The following CRYM variants were observed in gnomAD, a reference collection of about 807,000 sequenced individuals.
CRYM encodes ketimine reductase mu-crystallin.
CRYM carries 18 observed loss-of-function variants against 32.9 expected under a neutral mutation model. The ratio of observed to expected loss-of-function variants is 0.55; its 90% confidence interval spans 0.38 to 0.81. The LOEUF is 0.81. Ranked by LOEUF, CRYM falls within the 30% of genes least tolerant of loss-of-function variation. The pLI is 0.00. For synonymous variants in CRYM, 153 were observed against 152.4 expected, an observed-to-expected ratio of 1.00 and a Z score of -0.03; for missense variants, 337 against 393.5, an observed-to-expected ratio of 0.86 and a Z score of 1.21.
chr16:21,275,484 C>A, intron 3 of CRYM, 48 bp downstream of exon 3: 1 of 1,542,914 alleles, frequency 6.5e-7, no homozygotes. Flanking sequence ...AGACACCAGA[C>A]CCCACTTGAC....
Position 21,270,972 on chromosome 16 carries a change from T to C in CRYM, c.388-1081A>G, listed in dbSNP as rs1395332580. ...CCAGGCCATAGCACTTATTTGTTTG[T>C]AGATTTTCTTCTACAGGTCTTTAAG... On this transcript the variant is annotated intron_variant, in intron 3 of 7. Transcript: ENST00000572914. 3.9e-5 allele frequency among the ~76,000 whole-genome samples: 6 copies of C among 152,332 alleles called. No individual in the cohort carries two copies. In the East Asian group the frequency reaches 9.6e-4, roughly 24 times the overall value.
upstream of CRYM, among the ~76,000 whole-genome samples, chr16:21,281,865 A>C (rs1401402763): frequency 3.9e-5 from 6 of 152,350 alleles, no homozygotes; most frequent in East Asian, 1.9e-4. Context: ...ATGAATATTC[A>C]TAGCTTCTTC....
chr16:21,276,105 C>T (rs1400465622), intron 2 of CRYM, among the ~76,000 whole-genome samples: 1 of 152,172 alleles, frequency 6.6e-6, no homozygotes, highest in East Asian at 1.9e-4. Context: ...AGGAGTGAGA[C>T]CCAGACAGCC....
At chr16:21,261,206 T>G in intron 7 of CRYM, 48 bp downstream of exon 7, 1 of 1,442,198 alleles carries the variant, frequency 6.9e-7, no homozygotes, top group Non-Finnish European at 9.8e-7. Flanking sequence ...TGGGTGAACC[T>G]GCCTTGTGCG....
chr16:21,264,456 G>A (rs912514883), intron 5 of CRYM, among the ~76,000 whole-genome samples: 6 of 152,170 alleles, frequency 3.9e-5, no homozygotes, highest in Non-Finnish European at 8.8e-5. Context: ...GGTTGTGATG[G>A]GGCTAAATGA....
At chr16:21,293,011 G>C (rs1037941810) in intron 1 of CRYM, among the ~76,000 whole-genome samples, 3 of 147,132 alleles carry the variant, frequency 2.0e-5, no homozygotes, top group African/African-American at 7.7e-5. Context: ...TGAATAGATG[G>C]ATAGGTAAGT....
chr16:21,293,021 T>TATAGA (rs920761935), intron 1 of CRYM, among the ~76,000 whole-genome samples: 8 of 140,432 alleles, frequency 5.7e-5, no homozygotes, highest in Non-Finnish European at 9.3e-5. Flanking sequence ...GATAGGTAAG[T>TATAGA]AGATAGAAGA....
At chr16:21,289,410 C>T (rs572398492) in intron 1 of CRYM, among the ~76,000 whole-genome samples, 1 of 152,098 alleles carries the variant, frequency 6.6e-6, no homozygotes, top group African/African-American at 2.4e-5. Flanking sequence ...TTTTGGTTAC[C>T]GTTTGCATTG....
rs1446208721 is a variant in CRYM at position 21,285,283 on chromosome 16, G to A, written c.-192-6323C>T. ...ATGGCTTTTAAAAGTTGGCTTTGCTGGGACTTTTATACTAAATTTTGGATT... is the reference window on the plus strand; with the variant it reads ...ATGGCTTTTAAAAGTTGGCTTTGCTAGGACTTTTATACTAAATTTTGGATT... On this transcript the variant is annotated intron_variant, in intron 1 of 9. Transcript: ENST00000219599. 2.0e-5 allele frequency among the ~76,000 whole-genome samples: 3 copies of A among 152,276 alleles called. No individual in the cohort carries two copies. In the East Asian group the frequency reaches 5.8e-4, roughly 29 times the overall value.
chr16:21,300,256 C>T (rs1960878444), intron 1 of CRYM: 1 of 152,202 alleles, frequency 6.6e-6, no homozygotes, highest in African/African-American at 2.4e-5. Flanking sequence ...GCCTTTTGTC[C>T]TCCAACATAC....
chr16:21,277,785 C>T lies in CRYM; in HGVS notation c.171-201G>A, dbSNP rs949843520. Reference sequence around the variant, plus strand: ...GCTCTGGATCAGAAAACCTTTCCAGCTCTGCCACTTAGTAGCTGTGTAAGC... The same window carrying T: ...GCTCTGGATCAGAAAACCTTTCCAGTTCTGCCACTTAGTAGCTGTGTAAGC... On this transcript the variant is annotated intron_variant, in intron 1 of 7. Coordinates refer to ENST00000572914, the MANE Select transcript of CRYM (RefSeq NM_001376256.1). The surrounding 1 kb of genome is among the most constrained non-coding windows in gnomAD (Gnocchi z 4.2). 6.6e-6 allele frequency among the ~76,000 whole-genome samples: 1 copy of T among 152,164 alleles called. No homozygotes were observed. The highest frequency in any genetic ancestry group is 2.4e-5 in the African/African-American group (1 of 41,422).
upstream of CRYM, chr16:21,278,512 T>C (rs2093392361): frequency 7.0e-6 from 4 of 573,210 alleles, no homozygotes; most frequent in East Asian, 1.2e-4. Flanking sequence ...TGGGAGTCAA[T>C]ATTGTTTGGT....
At chr16:21,272,950 G>A (rs1291897500) in intron 3 of CRYM, among the ~76,000 whole-genome samples, 4 of 150,100 alleles carry the variant, frequency 2.7e-5, no homozygotes, top group African/African-American at 7.4e-5. Flanking sequence ...TTGCAGGCGT[G>A]AGCCACTGCG....
intron 1 of CRYM, among the ~76,000 whole-genome samples, chr16:21,285,815 A>C (rs537431343): frequency 5.4e-4 from 83 of 152,380 alleles, no homozygotes; most frequent in African/African-American, 2.0e-3. Flanking sequence ...TTTGTAAGCT[A>C]TGAATAGCTC....
intron 6 of CRYM, 36 bp from the exon 7 acceptor site, chr16:21,261,374 C>T: frequency 6.4e-7 from 1 of 1,574,404 alleles, no homozygotes; most frequent in Non-Finnish European, 8.7e-7. Flanking sequence ...AGGCATGAAG[C>T]TAAAGTCTGT....
At chr16:21,286,110 G>A (rs1217057289) in intron 1 of CRYM, among the ~76,000 whole-genome samples, 1 of 152,104 alleles carries the variant, frequency 6.6e-6, no homozygotes, top group African/African-American at 2.4e-5. Flanking sequence ...TCCTTAAGAA[G>A]AAGCCAATTT....
intron 3 of CRYM, among the ~76,000 whole-genome samples, chr16:21,273,246 T>C (rs1320737707): frequency 6.6e-6 from 1 of 152,148 alleles, no homozygotes; most frequent in Non-Finnish European, 1.5e-5. Flanking sequence ...GTATACTTAT[T>C]CTCCCCAACA....
At chr16:21,271,412 T>C (rs1358228679) in intron 3 of CRYM, among the ~76,000 whole-genome samples, 1 of 152,214 alleles carries the variant, frequency 6.6e-6, no homozygotes, top group Non-Finnish European at 1.5e-5. Context: ...TGTTCTTTTA[T>C]AAAATGCTAC....
intron 1 of CRYM, among the ~76,000 whole-genome samples, chr16:21,302,621 A>T (rs1316553845): frequency 5.3e-5 from 8 of 152,098 alleles, no homozygotes; most frequent in Non-Finnish European, 1.2e-4. Context: ...AAGCATACTG[A>T]GTTGTTTGCT....
Sources: allele counts gnomAD v4.1 joint callset (sites outside exome capture counted in the v4.1 genomes callset), GRCh38; gene constraint gnomAD v4.1.1; non-coding constraint Gnocchi (gnomAD v3.1); transcripts MANE v1.5; gene names NCBI Gene and HGNC (gene_info 2026-07-23, HGNC 2026-07-21).